Variants in HIRA observed in about 807,000 individuals in gnomAD.
HIRA encodes histone cell cycle regulator, also known as protein HIRA.
A neutral mutation model predicts 126.6 loss-of-function variants in HIRA; 13 were observed. That is an observed-to-expected ratio of 0.10 (90% CI 0.07 to 0.16). The LOEUF (loss-of-function observed/expected upper bound fraction) is 0.16, where lower values mean the gene tolerates loss of function less well. Ranked by LOEUF, HIRA falls within the 10% of genes least tolerant of loss-of-function variation. HIRA has a pLI of 1.00. For synonymous variants in HIRA, 511 were observed against 520.0 expected, an observed-to-expected ratio of 0.98 and a Z score of 0.24; for missense variants, 834 against 1,314.4, an observed-to-expected ratio of 0.63 and a Z score of 5.65.
Position 19,351,894 on chromosome 22 carries a change from G to T in HIRA, c.2849-448C>A, listed in dbSNP as rs1286414980. On this transcript the variant is annotated intron_variant, in intron 23 of 24. Coordinates refer to ENST00000263208, the MANE Select transcript of HIRA (RefSeq NM_003325.4). The surrounding 1 kb of genome is among the most constrained non-coding windows in gnomAD (Gnocchi z 4.8). ...ATGGCAAAGGCATGACTGAAGAGGG[G>T]CAACTGAGTGGAGGGGGCATAGGTC... Among the ~76,000 whole-genome samples the T allele has an allele frequency of 6.6e-6, 1 of 152,132 alleles. No individual in the cohort carries two copies. Among genetic ancestry groups the T allele is most frequent in the Admixed American group, 6.6e-5 (1 of 15,264 alleles).
chr22:19,336,659 A>T (rs1030352640), intron 24 of HIRA, among the ~76,000 whole-genome samples: 3 of 152,160 alleles, frequency 2.0e-5, no homozygotes, highest in Non-Finnish European at 2.9e-5. Flanking sequence ...CACCACCACC[A>T]CAGCAGGTGC....
chr22:19,424,366 G>C (rs2146259621), intron 1 of HIRA, among the ~76,000 whole-genome samples: 1 of 152,300 alleles, frequency 6.6e-6, no homozygotes, highest in South Asian at 2.1e-4. Flanking sequence ...TCTCCCTTCT[G>C]CTTCTCACTG....
intron 21 of HIRA, 135 bp from the exon 22 acceptor site, chr22:19,354,253 G>A: frequency 1.2e-6 from 1 of 833,978 alleles, no homozygotes; most frequent in Non-Finnish European, 1.8e-6. Context: ...TAGAGGCTGA[G>A]CGCCCCTGCA....
intron 1 of HIRA, among the ~76,000 whole-genome samples, chr22:19,413,800 C>A (rs2089373469): frequency 6.6e-6 from 1 of 151,898 alleles, no homozygotes; most frequent in South Asian, 2.1e-4. Context: ...TTAGTAGAAA[C>A]AGGGTTTCAC....
At position 19,359,494 on chromosome 22, in the gene HIRA, G is replaced by A; in HGVS notation, c.2086-10C>T. The A allele has an allele frequency of 6.3e-7, 1 of 1,595,782 alleles. No homozygotes were observed. Among genetic ancestry groups the A allele is most frequent in the East Asian group, 2.3e-5 (1 of 43,440 alleles). On this transcript the variant is annotated splice_polypyrimidine_tract_variant and intron_variant, in intron 17 of 24. Coordinates refer to ENST00000263208, the MANE Select transcript of HIRA (RefSeq NM_003325.4). The stretch of plus-strand genomic sequence containing the variant: ...AAGGATCGGAGCTGACCTGGATGAA[G>A]TAAACACACGGGTCTGCTCAGACAA...
chr22:19,353,904 A>G, intron 22 of HIRA, 92 bp downstream of exon 22: 1 of 1,470,292 alleles, frequency 6.8e-7, no homozygotes, highest in South Asian at 1.3e-5. Flanking sequence ...GCAGGTGGAG[A>G]CCAGGCCTGG....
At position 19,378,031 on chromosome 22, in the gene HIRA, A is replaced by T; in HGVS notation, c.1451T>A (p.Leu484His). 1 of 1,599,478 alleles carries T rather than the reference A, an allele frequency of 6.3e-7. No individual in the cohort carries two copies. The highest frequency in any genetic ancestry group is 8.5e-7 in the Non-Finnish European group (1 of 1,172,040). The change falls in exon 14 of 25, where the codon CTC becomes CAC. Residue 484 changes from leucine to histidine, a missense_variant. By Grantham distance (99) the Leu-to-His change is moderately conservative. Transcript: ENST00000263208. ...FSTAFFNSIP[L>H]SGSLAGTMLS... ...CATGGTGCCCGCCAGGGAGCCCGAG[A>T]GGGGGATGCTGTTAAAGAATGCCGT...
At chr22:19,401,770 C>T (rs990467056) in intron 5 of HIRA, among the ~76,000 whole-genome samples, 8 of 152,158 alleles carry the variant, frequency 5.3e-5, no homozygotes, top group Admixed American at 3.3e-4. Context: ...GACTCCAAAC[C>T]ACCATTGTCT....
intron 1 of HIRA, among the ~76,000 whole-genome samples, chr22:19,428,861 T>G (rs1238209106): frequency 1.3e-5 from 2 of 152,172 alleles, no homozygotes; most frequent in Non-Finnish European, 2.9e-5. Context: ...AGTGCAATGA[T>G]GGCTTTACAA....
intron 5 of HIRA, 166 bp downstream of exon 5, chr22:19,405,620 C>T: frequency 1.5e-6 from 1 of 650,368 alleles, no homozygotes; most frequent in South Asian, 6.9e-5. Context: ...CCGGTGACTG[C>T]ACAGATCTTA....
At chr22:19,396,556 T>C (rs2089225789) in intron 7 of HIRA, among the ~76,000 whole-genome samples, 1 of 152,232 alleles carries the variant, frequency 6.6e-6, no homozygotes, top group African/African-American at 2.4e-5. Flanking sequence ...AAATCCCTTT[T>C]ATTTCAAAGT....
intron 6 of HIRA, among the ~76,000 whole-genome samples, chr22:19,397,511 A>C (rs2089233695): frequency 1.3e-5 from 2 of 152,246 alleles, no homozygotes; most frequent in Admixed American, 6.5e-5. Context: ...ACAGAGCTGA[A>C]ATATGAGAAG....
intron 18 of HIRA, among the ~76,000 whole-genome samples, chr22:19,358,547 T>C (rs1337869406): frequency 1.3e-5 from 2 of 152,100 alleles, no homozygotes; most frequent in African/African-American, 4.8e-5. Flanking sequence ...AAATGGCTCA[T>C]CTGGAGGGGG....
At chr22:19,363,252 AC>A (rs1364969249) in intron 15 of HIRA, among the ~76,000 whole-genome samples, 7 of 151,898 alleles carry the variant, frequency 4.6e-5, no homozygotes, top group Non-Finnish European at 1.0e-4. Flanking sequence ...AACAAAAAAA[AC>A]AAAAAAAAGA....
intron 7 of HIRA, 132 bp downstream of exon 7, chr22:19,396,655 C>T: frequency 1.2e-6 from 1 of 820,218 alleles, no homozygotes; most frequent in Non-Finnish European, 1.9e-6. Context: ...CTTGGTGAAT[C>T]CGCTCAGGCC....
At chr22:19,375,874 A>G (rs2089013667) in intron 14 of HIRA, 82 bp from the exon 15 acceptor site, 3 of 1,424,644 alleles carry the variant, frequency 2.1e-6, no homozygotes, top group Non-Finnish European at 2.9e-6. Flanking sequence ...TTTGGAGCCT[A>G]CTAAAAAAGG....
At chr22:19,430,090 C>T (rs2089519429) in intron 1 of HIRA, 3 of 152,266 alleles carry the variant, frequency 2.0e-5, no homozygotes, top group African/African-American at 7.2e-5. Context: ...AGCTTTCTTA[C>T]CTGTTTTAGC....
rs1173025549 is a variant in HIRA at position 19,351,598 on chromosome 22, G to A, written c.2849-152C>T. 7.9e-6 allele frequency: 5 copies of A among 630,660 alleles called. No individual in the cohort carries two copies. Among genetic ancestry groups the A allele is most frequent in the Non-Finnish European group, 1.1e-5 (4 of 369,042 alleles). The allele number at this position is 630,660 out of a possible 1,614,324, so 39.1% of individuals were successfully genotyped here. On this transcript the variant is annotated intron_variant, in intron 23 of 24. Coordinates refer to ENST00000263208, the MANE Select transcript of HIRA (RefSeq NM_003325.4). The surrounding 1 kb of genome is among the most constrained non-coding windows in gnomAD (Gnocchi z 4.8). ...TTTTATTGCCTACTATGGGCAAGAC[G>A]CCCCTGCATGTCTCTCAGCGGGGGG...
At chr22:19,370,390 C>T (rs971993262) in intron 15 of HIRA, among the ~76,000 whole-genome samples, 13 of 152,116 alleles carry the variant, frequency 8.5e-5, no homozygotes, top group African/African-American at 2.4e-4. Flanking sequence ...ACTACAGGCA[C>T]GCACCACCAT....
Sources: allele counts gnomAD v4.1 joint callset (sites outside exome capture counted in the v4.1 genomes callset), GRCh38; gene constraint gnomAD v4.1.1; non-coding constraint Gnocchi (gnomAD v3.1); transcripts MANE v1.5; gene names NCBI Gene and HGNC (gene_info 2026-07-23, HGNC 2026-07-21).